Variants in KRT75 observed in about 807,000 individuals in gnomAD.
KRT75 encodes keratin, type II cytoskeletal 75.
In KRT75, 35 loss-of-function variants were observed where a neutral mutation model predicts 48.8. That is an observed-to-expected ratio of 0.72 (90% CI 0.55 to 0.95). The LOEUF is 0.95. Among genes scored for constraint, KRT75 ranks in the 40% least tolerant of loss-of-function variants. KRT75 has a pLI of 0.00. For synonymous variants in KRT75, 301 were observed against 282.3 expected (o/e 1.07, Z -0.66); for missense variants, 776 against 709.9 (o/e 1.09, Z -1.06).
Position 52,428,485 on chromosome 12 carries a change from A to G in KRT75, c.1162-9T>C, listed in dbSNP as rs778505450. 23 of 1,612,816 alleles carry G rather than the reference A, an allele frequency of 1.4e-5. No individual in the cohort carries two copies. The highest frequency in any genetic ancestry group is 1.7e-5 in the Non-Finnish European group (20 of 1,179,376). On this transcript the variant is annotated splice_polypyrimidine_tract_variant and intron_variant, in intron 6 of 8. Transcript: ENST00000252245. ...GTTTGCAAGCTGGAACACTGTAAGG[A>G]CAGGAGGAAGCCATGAGTCCTGCTG...
Position 52,428,332 on chromosome 12 carries a change from C to T in KRT75, c.1306G>A (p.Glu436Lys), listed in dbSNP as rs572169334. ...AGGGCCAGCTTGATGTTCATCAGCT[C>T]CTGGTACTCACGCAGGAGCCGAGCC... ...DMARLLREYQELMNIKLALDV... is the reference protein window; with the variant it reads ...DMARLLREYQKLMNIKLALDV... Residue 436 changes from glutamate (E) to lysine (K), a missense_variant, in exon 7 of 9, where the codon GAG becomes AAG. Coordinates refer to ENST00000252245, the MANE Select transcript of KRT75 (RefSeq NM_004693.3). 8.7e-6 allele frequency: 14 copies of T among 1,614,078 alleles called. No homozygotes were observed. In the Admixed American group the frequency reaches 1.5e-4, roughly 17 times the overall value.
rs1940133875 is a variant in KRT75, at chr12:52,430,718, A to G, written c.871-13T>C. 1 of 1,614,122 alleles carries G rather than the reference A, an allele frequency of 6.2e-7. No individual in the cohort carries two copies. Among genetic ancestry groups the G allele is most frequent in the East Asian group, 2.2e-5 (1 of 44,868 alleles). ...ACTGGGACAGCTCCTGCAGGGCAGT[A>G]AACTCAGCATCACCAAGGCATAAGA... On this transcript the variant is annotated splice_polypyrimidine_tract_variant and intron_variant, in intron 4 of 8. Coordinates refer to ENST00000252245, the MANE Select transcript of KRT75 (RefSeq NM_004693.3).
At chr12:52,426,268 T>C (rs1228845360) in intron 8 of KRT75, among the ~76,000 whole-genome samples, 3 of 152,250 alleles carry the variant, frequency 2.0e-5, no homozygotes, top group Non-Finnish European at 2.9e-5. Context: ...AACTGCCATA[T>C]TTTATGCTGC....
At chr12:52,428,060 G>T in intron 7 of KRT75, 196 bp downstream of exon 7, 1 of 692,710 alleles carries the variant, frequency 1.4e-6, no homozygotes, top group Non-Finnish European at 2.4e-6. Flanking sequence ...CTATGGGGAT[G>T]CTAACTGTAG....
Position 52,431,604 on chromosome 12 carries a change from A to T in KRT75, c.809T>A (p.Leu270Gln). The T allele has an allele frequency of 6.2e-7, 1 of 1,614,086 alleles. No individual in the cohort carries two copies. The highest frequency in any genetic ancestry group is 8.5e-7 in the Non-Finnish European group (1 of 1,179,918). ...GGGCAGAGATTTGACCTTGGCTTCC[A>T]GCTCCACCTTGTTCATATAGGCAGC... ...VDAAYMNKVE[L>Q]EAKVKSLPEE... is the part of the protein sequence containing the mutation. Residue 270 changes from leucine to glutamine, a missense_variant, in exon 4 of 9, where the codon CTG becomes CAG. Coordinates refer to ENST00000252245, the MANE Select transcript of KRT75 (RefSeq NM_004693.3).
chr12:52,432,427 C>T lies in KRT75; in HGVS notation c.714-361G>A, dbSNP rs79054303. Among the ~76,000 whole-genome samples, 135 of 152,206 alleles carry T rather than the reference C, an allele frequency of 8.9e-4. 1 individual carries two copies. In the East Asian group the frequency reaches 0.021, roughly 24 times the overall value. On this transcript the variant is annotated intron_variant, in intron 2 of 8. Coordinates refer to ENST00000252245, the MANE Select transcript of KRT75 (RefSeq NM_004693.3). ...ACTTTATCTGTTCAGCAGGCTGTTTCGGGTAGATTTTGATATATTTTCACT... is the reference window on the plus strand; with the variant it reads ...ACTTTATCTGTTCAGCAGGCTGTTTTGGGTAGATTTTGATATATTTTCACT...
At chr12:52,426,879 G>A (rs916457079) in intron 7 of KRT75, 28 bp from the exon 8 acceptor site, 3 of 1,612,436 alleles carry the variant, frequency 1.9e-6, no homozygotes, top group Non-Finnish European at 2.5e-6. Flanking sequence ...GGAGAAGGAA[G>A]GTTACCAATG....
intron 5 of KRT75, among the ~76,000 whole-genome samples, chr12:52,429,514 G>C (rs1358102675): frequency 3.9e-5 from 6 of 152,174 alleles, no homozygotes; most frequent in Non-Finnish European, 1.5e-5. Context: ...GAGATCCCCT[G>C]CCAGAGTCAA....
At position 52,424,496 on chromosome 12, in the gene KRT75, A is replaced by G. The variant is rs1170574153; in HGVS notation, c.*21T>C. The G allele has an allele frequency of 1.2e-6, 2 of 1,601,472 alleles. No individual in the cohort carries two copies. The highest frequency in any genetic ancestry group is 2.2e-5 in the South Asian group (2 of 90,844). On this transcript the variant is annotated 3_prime_UTR_variant, in exon 9 of 9. Transcript: ENST00000252245. ...CTGCAAACAGGCCTCAAGGCAGGGT[A>G]GAGGGAGCCATGGGGCTCTCTTAGT...
rs761273721 is a variant in KRT75 at position 52,430,600 on chromosome 12, G to T, written c.976C>A (p.Gln326Lys). 3 of 1,614,056 alleles carry T rather than the reference G, an allele frequency of 1.9e-6. No individual in the cohort carries two copies. The African/African-American group carries it at 4.0e-5, about 22-fold the overall frequency. Residue 326 changes from glutamine (Q) to lysine (K), a missense_variant, in exon 5 of 9, where the codon CAA becomes AAA. Physicochemically the swap from Gln to Lys is moderately conservative, Grantham distance 53. Transcript: ENST00000252245. ...LDSIIAEVKA[Q>K]YEDIANRSRA... ...CTGCGGTTGGCAATGTCCTCGTATT[G>T]TGCTTTGACCTCGGCGATGATACTA...
Position 52,433,197 on chromosome 12 carries a change from T to C in KRT75, c.554A>G (p.Gln185Arg). The change falls in exon 2 of 9, where the codon CAG (glutamine) becomes CGG (arginine). Residue 185 changes from glutamine (Q) to arginine (R), a missense_variant. Physicochemically the swap from Gln to Arg is conservative, Grantham distance 43. Transcript: ENST00000252245. The part of the protein sequence containing the change: ...KVLETKWALL[Q>R]EQGSRTVRQN... ...CCTCACAGTCCTGGAGCCCTGCTCC[T>C]GCAGGAGGGCCCACTTGGTCTCCAG... The C allele has an allele frequency of 6.2e-7, 1 of 1,614,144 alleles. No individual in the cohort carries two copies. The highest frequency in any genetic ancestry group is 8.5e-7 in the Non-Finnish European group (1 of 1,180,008).
chr12:52,428,186 C>G, intron 7 of KRT75, 70 bp downstream of exon 7: 2 of 1,590,058 alleles, frequency 1.3e-6, no homozygotes, highest in Admixed American at 1.7e-5. Context: ...AGCCCGAGCC[C>G]CTAGGAATGC....
At position 52,428,396 on chromosome 12, in the gene KRT75, C is replaced by T. The variant is rs781716873; in HGVS notation, c.1242G>A (p.Val414=). The change falls in exon 7 of 9, where the codon GTG becomes GTA. Residue 414 remains valine (V), a synonymous_variant. Transcript: ENST00000252245. ...CCTTCTGCAGGGCCTCCTCAAGGTCCACCAGCTTGGCCCGTGCATCCTTGA... is the reference window on the plus strand; with the variant it reads ...CCTTCTGCAGGGCCTCCTCAAGGTCTACCAGCTTGGCCCGTGCATCCTTGA... ...LALKDARAKL[V]DLEEALQKAK... is the part of the protein sequence containing the mutation. 5.0e-6 allele frequency: 8 copies of T among 1,614,210 alleles called. No individual in the cohort carries two copies. The South Asian group carries it at 7.7e-5, about 16-fold the overall frequency.
intron 5 of KRT75, 39 bp downstream of exon 5, chr12:52,430,502 A>G: frequency 1.2e-6 from 2 of 1,604,142 alleles, no homozygotes; most frequent in Non-Finnish European, 8.5e-7. Context: ...CTCAGAGAAC[A>G]CTAACCCTGG....
At position 52,424,474 on chromosome 12, in the gene KRT75, C is replaced by A; in HGVS notation, c.*43G>T. 1 of 1,557,086 alleles carries A rather than the reference C, an allele frequency of 6.4e-7. No individual in the cohort carries two copies. Among genetic ancestry groups the A allele is most frequent in the South Asian group, 1.1e-5 (1 of 89,908 alleles). On this transcript the variant is annotated 3_prime_UTR_variant, in exon 9 of 9. Coordinates refer to ENST00000252245, the MANE Select transcript of KRT75 (RefSeq NM_004693.3). ...GGACCCTGGTGTCCAGGTGTGACTG[C>A]AAACAGGCCTCAAGGCAGGGTAGAG...
At chr12:52,428,837 C>A in intron 5 of KRT75, 94 bp from the exon 6 acceptor site, 1 of 1,489,864 alleles carries the variant, frequency 6.7e-7, no homozygotes, top group South Asian at 1.1e-5. Context: ...CACAAGCAGG[C>A]TCATTCATTC....
At chr12:52,425,451 G>A (rs1940065469) in intron 8 of KRT75, among the ~76,000 whole-genome samples, 1 of 152,218 alleles carries the variant, frequency 6.6e-6, no homozygotes, top group Non-Finnish European at 1.5e-5. Context: ...GATCGTTGCA[G>A]GTATAACCAA....
intron 3 of KRT75, 72 bp from the exon 4 acceptor site, chr12:52,431,710 A>T: frequency 8.6e-7 from 1 of 1,165,254 alleles, no homozygotes; most frequent in Non-Finnish European, 1.3e-6. Flanking sequence ...AGCTGAGCAG[A>T]TTTCTCCCCA....
Position 52,424,454 on chromosome 12 carries a change from C to T in KRT75, c.*63G>A, listed in dbSNP as rs879182720. 20 of 1,418,534 alleles carry T rather than the reference C, an allele frequency of 1.4e-5. No homozygotes were observed. In the South Asian group the frequency reaches 1.9e-4, roughly 14 times the overall value. The allele number at this position is 1,418,534 out of a possible 1,614,324, so 87.9% of individuals were successfully genotyped here. A position where few individuals can be genotyped will look rare whatever the true frequency, so the allele number is the denominator to read the frequency against. On this transcript the variant is annotated 3_prime_UTR_variant, in exon 9 of 9. Coordinates refer to ENST00000252245, the MANE Select transcript of KRT75 (RefSeq NM_004693.3). ...CAAGGAGAGAGGAAGGAGGAGGACC[C>T]TGGTGTCCAGGTGTGACTGCAAACA...
Sources: gnomAD v4.1 joint callset for allele counts (sites outside exome capture counted in the v4.1 genomes callset) on GRCh38, gnomAD v4.1.1 for gene constraint, MANE v1.5 for transcripts, NCBI Gene and HGNC (gene_info 2026-07-23, HGNC 2026-07-21) for gene names.